COL21A1: variants seen among roughly 807,000 people sequenced by gnomAD.
The protein encoded by COL21A1 is collagen alpha-1(XXI) chain.
A neutral mutation model predicts 137.9 loss-of-function variants in COL21A1; 149 were observed. The observed-to-expected ratio is 1.08, with a 90% CI of 0.95 to 1.24. COL21A1 has a LOEUF of 1.24. Among genes scored for constraint, COL21A1 ranks in the 50% most tolerant of loss-of-function variants. The probability of loss-of-function intolerance (pLI) is 0.00; values close to 1 mark genes in which losing one functional copy is unlikely to be tolerated. For synonymous variants in COL21A1, 456 were observed against 391.5 expected (o/e 1.16, Z -1.95); for missense variants, 1,167 against 1,158.4 (o/e 1.01, Z -0.11).
intron 16 of COL21A1, among the ~76,000 whole-genome samples, chr6:56,106,888 G>A (rs1770966841): frequency 6.6e-6 from 1 of 151,916 alleles, no homozygotes; most frequent in African/African-American, 2.4e-5. Flanking sequence ...CCGGGTTCAC[G>A]CCATTCTCCT....
At chr6:56,171,457 T>C (rs1402946716) in intron 3 of COL21A1, among the ~76,000 whole-genome samples, 1 of 151,882 alleles carries the variant, frequency 6.6e-6, no homozygotes, top group Non-Finnish European at 1.5e-5. Context: ...ATAACACCTA[T>C]GGAAAAGAAA....
At chr6:56,142,081 G>T in intron 10 of COL21A1, 98 bp from the exon 11 acceptor site, 2 of 855,078 alleles carry the variant, frequency 2.3e-6, no homozygotes, top group Non-Finnish European at 3.6e-6. Flanking sequence ...AGTTTCTCAT[G>T]CCTAAAACTT....
At chr6:56,149,315 T>C (rs954097516) in intron 10 of COL21A1, among the ~76,000 whole-genome samples, 1 of 152,122 alleles carries the variant, frequency 6.6e-6, no homozygotes, top group Non-Finnish European at 1.5e-5. Context: ...AAGAAAACAT[T>C]ACATTCTGGG....
chr6:56,082,328 C>A (rs4548009), intron 17 of COL21A1, among the ~76,000 whole-genome samples: 84,741 of 134,692 alleles, frequency 0.63, 24,142 homozygotes, highest in East Asian at 0.76. Flanking sequence ...TGTGTTAAAA[C>A]AAACAAACAA....
chr6:56,369,570 A>C (rs1012687747), intron 1 of COL21A1, among the ~76,000 whole-genome samples: 7 of 151,264 alleles, frequency 4.6e-5, no homozygotes, highest in Non-Finnish European at 7.4e-5. Flanking sequence ...TCTTAAAAGA[A>C]TCCTGAACAA....
intron 12 of COL21A1, among the ~76,000 whole-genome samples, chr6:56,128,741 G>T (rs1773254514): frequency 6.6e-6 from 1 of 152,088 alleles, no homozygotes; most frequent in Non-Finnish European, 1.5e-5. Context: ...TGCAACCTCT[G>T]CCCCCCAGGC....
At position 56,060,231 on chromosome 6, in the gene COL21A1, A is replaced by T. The variant is rs566698125; in HGVS notation, c.2408-13T>A. On this transcript the variant is annotated splice_polypyrimidine_tract_variant and intron_variant, in intron 27 of 29. Transcript: ENST00000244728. ...ACTGGTAGCTGGGCTTTCAAAAACA[A>T]AGAAACCCCATCCCTTATGTTTAAA... 7 of 1,571,462 alleles carry T rather than the reference A, an allele frequency of 4.5e-6. No homozygotes were observed. The highest frequency in any genetic ancestry group is 6.0e-6 in the Non-Finnish European group (7 of 1,159,786).
intron 1 of COL21A1, among the ~76,000 whole-genome samples, chr6:56,200,898 G>A (rs1198920624): frequency 6.6e-6 from 1 of 152,104 alleles, no homozygotes; most frequent in Non-Finnish European, 1.5e-5. Context: ...CACAATGGTT[G>A]AACTAGTTTA....
At chr6:56,308,518 AT>A (rs1237313609) in intron 1 of COL21A1, among the ~76,000 whole-genome samples, 1 of 152,230 alleles carries the variant, frequency 6.6e-6, no homozygotes, top group Admixed American at 6.5e-5. Context: ...TACGAGGTAT[AT>A]AAAATAGTCA....
intron 1 of COL21A1, among the ~76,000 whole-genome samples, chr6:56,367,588 G>A (rs1251710501): frequency 1.3e-5 from 2 of 152,232 alleles, no homozygotes; most frequent in African/African-American, 4.8e-5. Context: ...GCAGCAGAAA[G>A]TAGGAACCTA....
rs188305626 is a variant in COL21A1, at chr6:56,233,515, A to G, written c.-39+13872T>C. 3.4e-3 allele frequency among the ~76,000 whole-genome samples: 521 copies of G among 151,922 alleles called. 4 individuals carry two copies. Among genetic ancestry groups the G allele is most frequent in the African/African-American group, 0.012 (495 of 41,544 alleles). The stretch of plus-strand genomic sequence containing the variant: ...AACTTAATAATGGATATAGTTGAAG[A>G]TGGAAATAGCTAGATGGAAAATCAA... On this transcript the variant is annotated intron_variant, in intron 1 of 29. Transcript: ENST00000244728.
At chr6:56,065,143 A>G (rs1766131589) in intron 23 of COL21A1, among the ~76,000 whole-genome samples, 1 of 152,124 alleles carries the variant, frequency 6.6e-6, no homozygotes, top group Non-Finnish European at 1.5e-5. Context: ...AAACACATTT[A>G]TCTATTCAAT....
chr6:56,070,313 A>G (rs17218267), intron 21 of COL21A1, among the ~76,000 whole-genome samples: 22,850 of 151,494 alleles, frequency 0.15, 1,756 homozygotes, highest in Middle Eastern at 0.22. Flanking sequence ...TAAAAATCCC[A>G]TTGAAATAAA....
chr6:56,322,177 G>A (rs1764884984), intron 1 of COL21A1, among the ~76,000 whole-genome samples: 2 of 152,090 alleles, frequency 1.3e-5, no homozygotes, highest in Non-Finnish European at 2.9e-5. Flanking sequence ...TTGCATCTGA[G>A]AGGTATGCTC....
intron 12 of COL21A1, among the ~76,000 whole-genome samples, chr6:56,132,901 T>C (rs989478509): frequency 6.6e-6 from 1 of 152,224 alleles, no homozygotes; most frequent in African/African-American, 2.4e-5. Flanking sequence ...TTGCTCCTCC[T>C]TGCCCTCCAC....
chr6:56,367,176 T>C (rs1766119807), intron 1 of COL21A1, among the ~76,000 whole-genome samples: 1 of 152,230 alleles, frequency 6.6e-6, no homozygotes, highest in Admixed American at 6.5e-5. Context: ...TATTCACTGA[T>C]TACTGTTCAT....
intron 1 of COL21A1, among the ~76,000 whole-genome samples, chr6:56,386,946 C>T (rs1193110025): frequency 6.6e-6 from 1 of 152,186 alleles, no homozygotes; most frequent in African/African-American, 2.4e-5. Flanking sequence ...CTTCCATCTC[C>T]CTCATTCCTA....
intron 1 of COL21A1, among the ~76,000 whole-genome samples, chr6:56,284,538 C>A (rs758516345): frequency 3.9e-5 from 6 of 152,098 alleles, no homozygotes; most frequent in Non-Finnish European, 8.8e-5. Context: ...TCATCTCCAT[C>A]CCCAATGTCA....
chr6:56,333,392 A>G (rs1765273938), intron 1 of COL21A1, among the ~76,000 whole-genome samples: 1 of 151,020 alleles, frequency 6.6e-6, no homozygotes, highest in South Asian at 2.1e-4. Context: ...CTCATACAGC[A>G]TGTACCCTTA....
Sources: allele counts gnomAD v4.1 joint callset (sites outside exome capture counted in the v4.1 genomes callset), GRCh38; gene constraint gnomAD v4.1.1; transcripts MANE v1.5; gene names NCBI Gene and HGNC (gene_info 2026-07-23, HGNC 2026-07-21).